The following MEF2C variants were observed in gnomAD, a reference collection of about 807,000 sequenced individuals.
The protein encoded by MEF2C is myocyte-specific enhancer factor 2C.
A neutral mutation model predicts 50.5 loss-of-function variants in MEF2C; 6 were observed. The ratio of observed to expected loss-of-function variants is 0.12; its 90% CI spans 0.07 to 0.23. The LOEUF is 0.23. Ranked by LOEUF, MEF2C falls within the 10% of genes least tolerant of loss-of-function variation. The pLI, the probability that MEF2C is intolerant of heterozygous loss-of-function variation, is 1.00. For missense variants in MEF2C, 276 were observed against 605.0 expected (o/e 0.46, Z 5.70); for synonymous variants, 183 against 228.0 (o/e 0.80, Z 1.78).
At chr5:88,827,794 A>T (rs1386265096) in intron 1 of MEF2C, among the ~76,000 whole-genome samples, 1 of 151,900 alleles carries the variant, frequency 6.6e-6, no homozygotes, top group African/African-American at 2.4e-5. Flanking sequence ...AAAATATGCA[A>T]GCAAAGAACC....
intron 2 of MEF2C, among the ~76,000 whole-genome samples, chr5:88,805,071 C>T (rs1799810058): frequency 6.6e-6 from 1 of 152,040 alleles, no homozygotes. Flanking sequence ...GGGAACTGGT[C>T]ATGTTTCTTT....
intron 3 of MEF2C, among the ~76,000 whole-genome samples, chr5:88,778,914 C>G (rs1304695157): frequency 6.6e-6 from 1 of 152,220 alleles, no homozygotes; most frequent in East Asian, 1.9e-4. Flanking sequence ...CTGGCAGGAC[C>G]TGACTCAGCG....
At chr5:88,784,459 CTATAT>C (rs1237845927) in intron 3 of MEF2C, among the ~76,000 whole-genome samples, 1 of 152,138 alleles carries the variant, frequency 6.6e-6, no homozygotes, top group African/African-American at 2.4e-5. Context: ...ACTAAAATAA[CTATAT>C]TATTTCATGT....
intron 6 of MEF2C, chr5:88,736,603 A>G: frequency 1.0e-6 from 1 of 979,566 alleles, no homozygotes; most frequent in Non-Finnish European, 1.2e-6. Flanking sequence ...GAGGAGTTTC[A>G]GGCCTTCAGA....
intron 3 of MEF2C, chr5:88,769,848 G>A (rs1781608193): frequency 4.0e-6 from 2 of 501,028 alleles, no homozygotes; most frequent in African/African-American, 2.1e-5. Context: ...GTCTCACAAT[G>A]TTGTCCAGGC....
chr5:88,888,406 A>G (rs968217872), intron 1 of MEF2C, among the ~76,000 whole-genome samples: 6 of 152,242 alleles, frequency 3.9e-5, no homozygotes, highest in Non-Finnish European at 8.8e-5. Flanking sequence ...AATCATTTAT[A>G]AAGCCTCTAT....
chr5:88,748,939 T>C, intron 6 of MEF2C, 131 bp downstream of exon 6: 1 of 1,518,790 alleles, frequency 6.6e-7, no homozygotes, highest in Non-Finnish European at 8.9e-7. Flanking sequence ...CTTTAAAAAT[T>C]CTTGGTGTCA....
intron 1 of MEF2C, among the ~76,000 whole-genome samples, chr5:88,847,224 G>A (rs1819656722): frequency 6.6e-6 from 1 of 152,122 alleles, no homozygotes; most frequent in Admixed American, 6.5e-5. Flanking sequence ...TATTTATGTA[G>A]AGTAAAAACA....
intron 6 of MEF2C, chr5:88,738,334 C>T: frequency 2.0e-6 from 2 of 985,316 alleles, no homozygotes; most frequent in Non-Finnish European, 2.4e-6. Context: ...CAACATTAAG[C>T]ATACACATTA....
At chr5:88,779,548 C>T (rs552810006) in intron 3 of MEF2C, among the ~76,000 whole-genome samples, 16 of 151,886 alleles carry the variant, frequency 1.1e-4, no homozygotes, top group African/African-American at 3.4e-4. Flanking sequence ...CTGGAAACTG[C>T]CAGTCTCACA....
intron 1 of MEF2C, among the ~76,000 whole-genome samples, chr5:88,875,176 G>A (rs1419289335): frequency 6.6e-6 from 1 of 151,988 alleles, no homozygotes; most frequent in Non-Finnish European, 1.5e-5. Context: ...TATTAGTGCA[G>A]ATATTTAGAA....
At chr5:88,788,178 G>GTTTGTTTGTTTA (rs71613095) in intron 3 of MEF2C, among the ~76,000 whole-genome samples, 4 of 89,204 alleles carry the variant, frequency 4.5e-5, no homozygotes, top group South Asian at 4.3e-4. Context: ...TTGTTTGTTT[G>GTTTGTTTGTTTA]TTTATTTATT....
chr5:88,869,113 T>A (rs1280874458), intron 1 of MEF2C, among the ~76,000 whole-genome samples: 2 of 151,632 alleles, frequency 1.3e-5, no homozygotes, highest in Admixed American at 1.3e-4. Flanking sequence ...TATCTTGCTA[T>A]AATGGCAAAG....
intron 5 of MEF2C, chr5:88,750,238 C>T (rs1423241780): frequency 6.7e-6 from 2 of 297,258 alleles, no homozygotes; most frequent in African/African-American, 2.4e-5. Context: ...AGAGCTTGCT[C>T]TGTTGCCCAG....
intron 6 of MEF2C, chr5:88,744,171 G>C: frequency 1.0e-6 from 1 of 978,942 alleles, no homozygotes; most frequent in East Asian, 1.2e-4. Context: ...GCATTGCTCT[G>C]CTAATGGTTA....
At chr5:88,746,562 C>T in intron 6 of MEF2C, 2 of 985,164 alleles carry the variant, frequency 2.0e-6, no homozygotes, top group Non-Finnish European at 2.4e-6. Context: ...TATCTGAAAC[C>T]TTGAATTTCA....
intron 7 of MEF2C, 114 bp from the exon 8 acceptor site, chr5:88,730,348 G>T: frequency 8.6e-7 from 1 of 1,162,186 alleles, no homozygotes; most frequent in Non-Finnish European, 1.3e-6. Flanking sequence ...AGTTTAAACA[G>T]TTTTAAAACC....
At chr5:88,762,632 C>T (rs1778376620) in intron 3 of MEF2C, among the ~76,000 whole-genome samples, 1 of 151,882 alleles carries the variant, frequency 6.6e-6, no homozygotes, top group African/African-American at 2.4e-5. Flanking sequence ...ATTCGATTTA[C>T]AGAGATAATG....
chr5:88,738,594 C>G (rs2152384357), intron 6 of MEF2C: 1 of 984,210 alleles, frequency 1.0e-6, no homozygotes, highest in Middle Eastern at 5.2e-4. Context: ...CCCTGAAGTA[C>G]AACACTACAC....
Sources: gnomAD v4.1 joint callset for allele counts (sites outside exome capture counted in the v4.1 genomes callset) on GRCh38, gnomAD v4.1.1 for gene constraint, MANE v1.5 for transcripts, NCBI Gene and HGNC (gene_info 2026-07-23, HGNC 2026-07-21) for gene names.